ADPRHL1: variants seen among roughly 807,000 people sequenced by gnomAD.
ADPRHL1 encodes ADP-ribosylhydrolase like 1.
A neutral mutation model predicts 44.1 loss-of-function variants in ADPRHL1; 43 were observed. The observed-to-expected ratio is 0.98, with a 90% CI of 0.76 to 1.26. The LOEUF is 1.26. Among genes scored for constraint, ADPRHL1 ranks in the 50% most tolerant of loss-of-function variants. ADPRHL1 has a pLI of 0.00. For synonymous variants in ADPRHL1, 878 were observed against 1,017.4 expected, an observed-to-expected ratio of 0.86 and a Z score of 2.61; for missense variants, 2,022 against 2,496.9, an observed-to-expected ratio of 0.81 and a Z score of 4.05.
intron 2 of ADPRHL1, among the ~76,000 whole-genome samples, chr13:113,439,449 T>G (rs1257446775): frequency 6.7e-6 from 1 of 149,842 alleles, no homozygotes; most frequent in African/African-American, 2.5e-5. Context: ...TTTGTATTTT[T>G]TTTTTTTTTT....
intron 7 of ADPRHL1, among the ~76,000 whole-genome samples, chr13:113,410,447 C>T (rs1595538003): frequency 6.6e-6 from 1 of 152,338 alleles, no homozygotes; most frequent in South Asian, 2.1e-4. Context: ...GCAGACGGCG[C>T]TCCTTCCAAA....
Position 113,422,900 on chromosome 13 carries a change from C to T in ADPRHL1, c.987G>A (p.Leu329=), listed in dbSNP as rs746139532. ...TCTCCTTGTCCTCCAGGTCCTGGTA[C>T]AAGCCTTTGGGAACGAGGTCCAGGC... The part of the protein sequence containing the change: ...LYGLDLVPKG[L]YQDLEDKEKL... The change falls in exon 7 of 8, where the codon TTG becomes TTA. Residue 329 remains leucine (L), a synonymous_variant. Transcript: ENST00000612156. The T allele has an allele frequency of 1.2e-6, 2 of 1,612,950 alleles. No individual in the cohort carries two copies. The highest frequency in any genetic ancestry group is 1.6e-4 in the Middle Eastern group (1 of 6,062).
intron 1 of ADPRHL1, among the ~76,000 whole-genome samples, chr13:113,448,137 G>A (rs1252762412): frequency 1.3e-5 from 2 of 151,904 alleles, no homozygotes; most frequent in African/African-American, 4.8e-5. Context: ...CTTTCCTTTG[G>A]GACACTCCAC....
At position 113,433,766 on chromosome 13, in the gene ADPRHL1, G is replaced by A. The variant is rs570992371; in HGVS notation, c.481C>T (p.Arg161Trp). The A allele has an allele frequency of 1.5e-4, 245 of 1,595,402 alleles. No homozygotes were observed. The highest frequency in any genetic ancestry group is 1.9e-4 in the Non-Finnish European group (225 of 1,173,130). ...CCTGTGGGATGGTTGTGGGTCATCC[G>A]GCCGCACTCCACGCTGACCTCGATG... ...TLIEVSVECGRMTHNHPTGFL... is the reference protein window; with the variant it reads ...TLIEVSVECGWMTHNHPTGFL... Residue 161 changes from arginine (R) to tryptophan (W), a missense_variant, in exon 3 of 8, where the codon CGG becomes TGG. This residue lies in a region of ADPRHL1 where 437 missense variants were observed against 430.7 expected (regional missense o/e 1.01). Coordinates refer to ENST00000612156, the MANE Select transcript of ADPRHL1 (RefSeq NM_001394807.1).
In ADPRHL1 at chr13:113,407,736, C is replaced by G. The variant is rs1389620074; in HGVS notation, c.1546G>C (p.Glu516Gln). 3.7e-5 allele frequency: 45 copies of G among 1,232,134 alleles called. No homozygotes were observed. In the Admixed American group the frequency reaches 1.2e-3, roughly 33 times the overall value. 76.3% of individuals were successfully genotyped at this position (1,232,134 alleles called of 1,614,324 possible). A position where few individuals can be genotyped will look rare whatever the true frequency, so the allele number is the denominator to read the frequency against. The stretch of plus-strand genomic sequence containing the variant: ...TCGCGTGCTTCTTTCTCCTTCGCCT[C>G]CTTCTCCTCGGCGGCCAAGAATATC... ...LKIFLAAEEK[E>Q]AKEKEAREKP... The change falls in exon 8 of 8, where the codon GAG (glutamate) becomes CAG (glutamine). Residue 516 changes from glutamate (E) to glutamine (Q), a missense_variant. Physicochemically the swap from Glu to Gln is conservative, Grantham distance 29 (BLOSUM62 2). This residue lies in a region of ADPRHL1 where 1,221 missense variants were observed against 1,517.8 expected (regional missense o/e 0.80). Coordinates refer to ENST00000612156, the MANE Select transcript of ADPRHL1 (RefSeq NM_001394807.1).
chr13:113,426,780 G>A (rs764845453), intron 4 of ADPRHL1, among the ~76,000 whole-genome samples: 17 of 152,240 alleles, frequency 1.1e-4, no homozygotes, highest in African/African-American at 3.9e-4. Context: ...GGACCTGGGC[G>A]CAGACTGAAA....
At chr13:113,445,896 G>A (rs1207011669) in intron 1 of ADPRHL1, among the ~76,000 whole-genome samples, 2 of 149,752 alleles carry the variant, frequency 1.3e-5, no homozygotes, top group Admixed American at 6.7e-5. Flanking sequence ...GAGCACGCGC[G>A]TGTAGGGACC....
At chr13:113,423,598 A>G (rs757644560) in intron 6 of ADPRHL1, among the ~76,000 whole-genome samples, 4 of 152,262 alleles carry the variant, frequency 2.6e-5, no homozygotes, top group Non-Finnish European at 2.9e-5. Flanking sequence ...TCACAGAACC[A>G]TAACAGCTGC....
Position 113,420,793 on chromosome 13 carries a change from C to T in ADPRHL1, c.1061+2033G>A, listed in dbSNP as rs181318320. 2.5e-4 allele frequency among the ~76,000 whole-genome samples: 38 copies of T among 152,058 alleles called. No individual in the cohort carries two copies. The East Asian group carries it at 4.8e-3, about 19-fold the overall frequency. On this transcript the variant is annotated intron_variant, in intron 7 of 7. Transcript: ENST00000612156. ...TGGACTACACTTCCCACAAAACGAA[C>T]GGGGCATCTCTATGGAAAAAGCAAA...
chr13:113,446,897 T>C (rs997846626), intron 1 of ADPRHL1, among the ~76,000 whole-genome samples: 3 of 146,468 alleles, frequency 2.0e-5, no homozygotes, highest in African/African-American at 7.7e-5. Context: ...ACAGTCACGG[T>C]GTTGTGTGTG....
chr13:113,405,578 G>A lies in ADPRHL1; in HGVS notation c.3704C>T (p.Ala1235Val), dbSNP rs1360108036. 8 of 1,231,934 alleles carry A rather than the reference G, an allele frequency of 6.5e-6. No homozygotes were observed. Among genetic ancestry groups the A allele is most frequent in the Non-Finnish European group, 8.1e-6 (8 of 988,196 alleles). The allele number at this position is 1,231,934 out of a possible 1,614,324, so 76.3% of individuals were successfully genotyped here. The change falls in exon 8 of 8, where the codon GCC (alanine) becomes GTC (valine). Residue 1235 changes from alanine to valine, a missense_variant. Ala to Val is a moderately conservative substitution (Grantham distance 64). Around this residue, in one of 8 missense-constraint regions of ADPRHL1, gnomAD observed 1,221 missense variants for 1,517.8 expected, o/e 0.80. Coordinates refer to ENST00000612156, the MANE Select transcript of ADPRHL1 (RefSeq NM_001394807.1). ...TCCTACAGCTGCTGTATGTCTGCTG[G>A]CTGCTGATGTGTTTGAAATGTATAA... Reference protein sequence around the residue: ...ARLYISNTSAASRHTAAVGGR... With the variant: ...ARLYISNTSAVSRHTAAVGGR...
intron 4 of ADPRHL1, among the ~76,000 whole-genome samples, chr13:113,426,301 C>G (rs551958802): frequency 6.6e-6 from 1 of 152,334 alleles, no homozygotes; most frequent in South Asian, 2.1e-4. Context: ...GGTGAGCACC[C>G]CTGCCCGCCA....
At chr13:113,437,981 C>T (rs2044073275) in intron 2 of ADPRHL1, among the ~76,000 whole-genome samples, 1 of 152,206 alleles carries the variant, frequency 6.6e-6, no homozygotes, top group South Asian at 2.1e-4. Context: ...CAGGCACACA[C>T]CACCATGCCT....
At position 113,409,143 on chromosome 13, in the gene ADPRHL1, G is replaced by A. The variant is rs2043832021; in HGVS notation, c.1062-923C>T. 6.6e-6 allele frequency among the ~76,000 whole-genome samples: 1 copy of A among 152,182 alleles called. No individual in the cohort carries two copies. On this transcript the variant is annotated intron_variant, in intron 7 of 7. Transcript: ENST00000612156. The surrounding 1 kb of genome is among the most constrained non-coding windows in gnomAD (Gnocchi z 4.2). ...CCACCAGCCCAGCTTTCAAAGAGAC[G>A]GGACCAAATGGGTCTTGGCTGGAGA...
intron 7 of ADPRHL1, among the ~76,000 whole-genome samples, chr13:113,410,693 C>T (rs1023776337): frequency 7.0e-6 from 1 of 143,468 alleles, no homozygotes; most frequent in Non-Finnish European, 1.5e-5. Context: ...AGCCAGAGGC[C>T]GCCCACACCC....
In ADPRHL1 at chr13:113,406,235, C is replaced by A. The variant is rs1595535919; in HGVS notation, c.3047G>T (p.Gly1016Val). The A allele has an allele frequency of 6.5e-6, 8 of 1,232,116 alleles. No individual in the cohort carries two copies. In the East Asian group the frequency reaches 2.5e-4, roughly 39 times the overall value. The allele number at this position is 1,232,116 out of a possible 1,614,324, so 76.3% of individuals were successfully genotyped here. The change falls in exon 8 of 8, where the codon GGA (glycine) becomes GTA (valine). Residue 1016 changes from glycine (G) to valine (V), a missense_variant. Physicochemically the swap from Gly to Val is moderately radical, Grantham distance 109. Coordinates refer to ENST00000612156, the MANE Select transcript of ADPRHL1 (RefSeq NM_001394807.1). ...DPAASQNLLRGNTSHASSSQQ... is the reference protein window; with the variant it reads ...DPAASQNLLRVNTSHASSSQQ... Reference sequence around the variant, plus strand: ...GCTGCTGGAGGCATGGCTGGTGTTTCCCCTCAGAAGGTTTTGTGAGGCTGC... The same window carrying A: ...GCTGCTGGAGGCATGGCTGGTGTTTACCCTCAGAAGGTTTTGTGAGGCTGC...
intron 5 of ADPRHL1, 99 bp from the exon 6 acceptor site, chr13:113,424,448 T>C: frequency 6.7e-7 from 1 of 1,501,560 alleles, no homozygotes; most frequent in Non-Finnish European, 9.1e-7. Flanking sequence ...TGAACTGCCA[T>C]TTCATCCATC....
At chr13:113,414,365 G>A (rs549609989) in intron 7 of ADPRHL1, among the ~76,000 whole-genome samples, 69 of 152,196 alleles carry the variant, frequency 4.5e-4, no homozygotes, top group Non-Finnish European at 8.4e-4. Flanking sequence ...GCCCCTCTGC[G>A]GATGAGCCTG....
At chr13:113,422,633 C>T (rs1016430035) in intron 7 of ADPRHL1, 193 bp downstream of exon 7, 5 of 740,418 alleles carry the variant, frequency 6.8e-6, no homozygotes, top group East Asian at 2.8e-5. Flanking sequence ...AAAATATTCT[C>T]GCAGGACAAA....
Sources: allele counts gnomAD v4.1 joint callset (sites outside exome capture counted in the v4.1 genomes callset), GRCh38; gene constraint gnomAD v4.1.1; regional missense constraint gnomAD v4.1.1; non-coding constraint Gnocchi (gnomAD v3.1); transcripts MANE v1.5; gene names NCBI Gene and HGNC (gene_info 2026-07-23, HGNC 2026-07-21).